Variants in HSPG2 observed in about 807,000 individuals in gnomAD.
HSPG2 encodes the protein heparan sulfate proteoglycan 2, also known as basement membrane-specific heparan sulfate proteoglycan core protein.
In HSPG2, 278 loss-of-function variants were observed where a neutral mutation model predicts 526.6. That is an observed-to-expected ratio of 0.53 (90% confidence interval 0.48 to 0.58). The LOEUF is 0.58. HSPG2 is among the 20% of genes least tolerant of loss of function. HSPG2 has a pLI of 0.00. For synonymous variants in HSPG2, 2,465 were observed against 2,555.4 expected, an observed-to-expected ratio of 0.96 and a Z score of 1.07; for missense variants, 5,354 against 6,099.5, an observed-to-expected ratio of 0.88 and a Z score of 4.07.
intron 1 of HSPG2, among the ~76,000 whole-genome samples, chr1:21,926,280 G>A (rs1644188850): frequency 6.6e-6 from 1 of 152,178 alleles, no homozygotes; most frequent in Non-Finnish European, 1.5e-5. Context: ...ATGAGAAGGT[G>A]TCAGCACTCA....
Position 21,887,989 on chromosome 1 carries a change from G to T in HSPG2, c.652C>A (p.Arg218Ser). Residue 218 changes from arginine (R) to serine (S), a missense_variant, in exon 7 of 97, where the codon CGC becomes AGC. Physicochemically the swap from Arg to Ser is moderately radical, Grantham distance 110 (BLOSUM62 -1). Coordinates refer to ENST00000374695, the MANE Select transcript of HSPG2 (RefSeq NM_005529.7). The surrounding 1 kb of genome is among the most constrained non-coding windows in gnomAD (Gnocchi z 5.0). The stretch of plus-strand genomic sequence containing the variant: ...CTGCAGTCGGGCCGCCGGTCACAGC[G>T]ATACTCCAGGGCCACACACTCATTG... Reference protein sequence around the residue: ...SYNECVALEYRCDRRPDCRDM... With the variant: ...SYNECVALEYSCDRRPDCRDM... 2 of 1,614,158 alleles carry T rather than the reference G, an allele frequency of 1.2e-6. No homozygotes were observed. Among genetic ancestry groups the T allele is most frequent in the Non-Finnish European group, 1.7e-6 (2 of 1,180,040 alleles).
rs1173605281 is a variant in HSPG2, at chr1:21,841,947, ACGGCAC to A, written c.9193+49_9193+54del. ...GCCCCACCCTTGCACAGTGGGGATGACGGCACCCCCATGCCTGCCCCCAGCTTGCCC... is the reference window on the plus strand; with the variant it reads ...GCCCCACCCTTGCACAGTGGGGATGACCCCATGCCTGCCCCCAGCTTGCCC... On this transcript the variant is annotated intron_variant, in intron 69 of 96. Transcript: ENST00000374695. The A allele has an allele frequency of 5.0e-6, 8 of 1,600,160 alleles. No homozygotes were observed. The African/African-American group carries it at 1.1e-4, about 21-fold the overall frequency.
rs755167311 is a variant in HSPG2 at position 21,854,325 on chromosome 1, G to A, written c.6307C>T (p.Arg2103Trp). ...PHTQVHGSRL[R>W]LPQVSPADSG... ...TCAGCTGGTGAGACCTGGGGGAGCC[G>A]CAGACGGGAGCCGTGCACCTGGGCC... is the stretch of plus-strand genomic sequence containing the variant. The change falls in exon 50 of 97, where the codon CGG (arginine) becomes TGG (tryptophan). Residue 2103 changes from arginine to tryptophan, a missense_variant. Coordinates refer to ENST00000374695, the MANE Select transcript of HSPG2 (RefSeq NM_005529.7). The A allele has an allele frequency of 1.3e-5, 21 of 1,570,636 alleles. No homozygotes were observed. Among genetic ancestry groups the A allele is most frequent in the South Asian group, 1.2e-4 (10 of 85,502 alleles).
chr1:21,862,594 AAAAG>A (rs1313888824), intron 37 of HSPG2, among the ~76,000 whole-genome samples: 1 of 147,302 alleles, frequency 6.8e-6, no homozygotes, highest in Non-Finnish European at 1.5e-5. Flanking sequence ...AAAAAAAAAA[AAAAG>A]AAAAAAGCAA....
chr1:21,865,323 C>T lies in HSPG2; in HGVS notation c.4357G>A (p.Gly1453Ser). 1 of 1,614,046 alleles carries T rather than the reference C, an allele frequency of 6.2e-7. No individual in the cohort carries two copies. Among genetic ancestry groups the T allele is most frequent in the Non-Finnish European group, 8.5e-7 (1 of 1,179,986 alleles). Residue 1453 changes from glycine to serine, a missense_variant, in exon 35 of 97, where the codon GGC becomes AGC. By Grantham distance (56) the Gly-to-Ser change is moderately conservative. Transcript: ENST00000374695. This position sits in a 1 kb window ranked among gnomAD's most constrained non-coding sequence, Gnocchi z 5.4. ...ATCTCGTAGCTCCTCCTCTCAGGGC[C>T]CTGCAGCGCTGGCTGGGAGGCCACT... ...MLVASQPALQ[G>S]PERRSYEIMF...
Position 21,838,933 on chromosome 1 carries a change from C to G in HSPG2, c.10042G>C (p.Glu3348Gln). 1 of 1,612,292 alleles carries G rather than the reference C, an allele frequency of 6.2e-7. No homozygotes were observed. The highest frequency in any genetic ancestry group is 8.5e-7 in the Non-Finnish European group (1 of 1,179,056). ...GCTGCACGCTCAAAGTGCAGCAGCTCGTTCCTGGCGGTCGCCCTCCCAGGA... is the reference window on the plus strand; with the variant it reads ...GCTGCACGCTCAAAGTGCAGCAGCTGGTTCCTGGCGGTCGCCCTCCCAGGA... ...SLPGRATARN[E>Q]LLHFERAAPE... The change falls in exon 74 of 97, where the codon GAG becomes CAG. Residue 3348 changes from glutamate (E) to glutamine (Q), a missense_variant. By Grantham distance (29) the Glu-to-Gln change is conservative. Coordinates refer to ENST00000374695, the MANE Select transcript of HSPG2 (RefSeq NM_005529.7).
At chr1:21,932,251 A>G (rs1375256977) in intron 1 of HSPG2, among the ~76,000 whole-genome samples, 1 of 152,156 alleles carries the variant, frequency 6.6e-6, no homozygotes, top group East Asian at 1.9e-4. Context: ...AGCAATATCT[A>G]CTGACTGCCC....
Position 21,834,770 on chromosome 1 carries a change from G to A in HSPG2, c.10629C>T (p.Ala3543=). 6.2e-7 allele frequency: 1 copy of A among 1,614,154 alleles called. No homozygotes were observed. The highest frequency in any genetic ancestry group is 8.5e-7 in the Non-Finnish European group (1 of 1,180,010). ...IVQSGGVVRI[A]HVELADAGQY... Reference sequence around the variant, plus strand: ...GTCCCGCATCAGCCAGCTCTACGTGGGCGATCCTGACGACACCTCCGCTCT... The same window carrying A: ...GTCCCGCATCAGCCAGCTCTACGTGAGCGATCCTGACGACACCTCCGCTCT... Residue 3543 remains alanine (A), a synonymous_variant, in exon 77 of 97, where the codon GCC becomes GCT. Transcript: ENST00000374695.
At position 21,830,068 on chromosome 1, in the gene HSPG2, A is replaced by G. The variant is rs1355677438; in HGVS notation, c.11695T>C (p.Cys3899Arg). Residue 3899 changes from cysteine to arginine, a missense_variant, in exon 86 of 97, where the codon TGT becomes CGT. Physicochemically the swap from Cys to Arg is radical, Grantham distance 180. Transcript: ENST00000374695. ...CCTCGACCGTCAGGCCGGTTCACAC[A>G]GGTGGCGTCGGGCCCACAGGCCTCT... Reference protein sequence around the residue: ...HPEACGPDATCVNRPDGRGYT... With the variant: ...HPEACGPDATRVNRPDGRGYT... The G allele has an allele frequency of 7.5e-6, 12 of 1,601,988 alleles. No individual in the cohort carries two copies. Among genetic ancestry groups the G allele is most frequent in the East Asian group, 2.2e-5 (1 of 44,468 alleles).
rs1572244396 is a variant in HSPG2, at chr1:21,856,044, G to A, written c.5576-132C>T. On this transcript the variant is annotated intron_variant, in intron 44 of 96. Transcript: ENST00000374695. ...CCATCTGTGCACACAGGAGCCAGAG[G>A]GAGCTTGGGAAATGTCAACAGGACC... is the stretch of plus-strand genomic sequence containing the variant. 5 of 1,268,390 alleles carry A rather than the reference G, an allele frequency of 3.9e-6. No homozygotes were observed. In the East Asian group the frequency reaches 1.2e-4, roughly 31 times the overall value. The allele number at this position is 1,268,390 out of a possible 1,614,324, so 78.6% of individuals were successfully genotyped here. A position where few individuals can be genotyped will look rare whatever the true frequency, so the allele number is the denominator to read the frequency against.
chr1:21,888,730 G>C, intron 6 of HSPG2: 1 of 1,363,586 alleles, frequency 7.3e-7, no homozygotes. Context: ...TGGAAAGGAA[G>C]ATGTGATCAG....
chr1:21,884,749 C>A lies in HSPG2; in HGVS notation c.1507+18G>T. On this transcript the variant is annotated intron_variant, in intron 12 of 96. Coordinates refer to ENST00000374695, the MANE Select transcript of HSPG2 (RefSeq NM_005529.7). Reference sequence around the variant, plus strand: ...GGCTCTGCCCCCACACCCGGTGACACCTGCCCTCCGGCAGTACCTCGTTGT... The same window carrying A: ...GGCTCTGCCCCCACACCCGGTGACAACTGCCCTCCGGCAGTACCTCGTTGT... 1.2e-6 allele frequency: 2 copies of A among 1,612,942 alleles called. No individual in the cohort carries two copies. The highest frequency in any genetic ancestry group is 1.7e-6 in the Non-Finnish European group (2 of 1,179,824).
Position 21,840,833 on chromosome 1 carries a change from C to T in HSPG2, c.9513+268G>A, listed in dbSNP as rs2098045492. 2.6e-5 allele frequency among the ~76,000 whole-genome samples: 4 copies of T among 152,298 alleles called. 1 individual carries two copies. In the East Asian group the frequency reaches 7.7e-4, roughly 29 times the overall value. ...GCTGTCCCATCTGGTTGCTTGAGGG[C>T]TCACCCTCATGACACCCCATTAGTC... On this transcript the variant is annotated intron_variant, in intron 71 of 96. Coordinates refer to ENST00000374695, the MANE Select transcript of HSPG2 (RefSeq NM_005529.7).
chr1:21,824,814 G>C lies in HSPG2; in HGVS notation c.12590-35C>G, dbSNP rs769858069. ...AGAGGAGGGTGGTGCCATACCTGCT[G>C]CATCAGGCATCAAAATCCCCCGTCA... On this transcript the variant is annotated intron_variant, in intron 91 of 96. Transcript: ENST00000374695. This position sits in a 1 kb window ranked among gnomAD's most constrained non-coding sequence, Gnocchi z 5.9. The C allele has an allele frequency of 1.3e-6, 2 of 1,568,476 alleles. No homozygotes were observed. The highest frequency in any genetic ancestry group is 2.3e-5 in the East Asian group (1 of 43,630).
chr1:21,854,314 C>G lies in HSPG2; in HGVS notation c.6318G>C (p.Gln2106His). 2 of 1,572,408 alleles carry G rather than the reference C, an allele frequency of 1.3e-6. No homozygotes were observed. Among genetic ancestry groups the G allele is most frequent in the South Asian group, 2.3e-5 (2 of 85,656 alleles). The stretch of plus-strand genomic sequence containing the variant: ...ATTCTCCAGAATCAGCTGGTGAGAC[C>G]TGGGGGAGCCGCAGACGGGAGCCGT... ...QVHGSRLRLP[Q>H]VSPADSGEYV... Residue 2106 changes from glutamine to histidine, a missense_variant, in exon 50 of 97, where the codon CAG becomes CAC. Transcript: ENST00000374695.
intron 70 of HSPG2, 105 bp downstream of exon 70, chr1:21,841,434 C>A: frequency 6.3e-7 from 1 of 1,577,000 alleles, no homozygotes; most frequent in Non-Finnish European, 8.7e-7. Context: ...GGGAGAATGC[C>A]CAAGACAGAG....
chr1:21,864,846 G>A lies in HSPG2; in HGVS notation c.4623C>T (p.Cys1541=). 6.2e-7 allele frequency: 1 copy of A among 1,608,954 alleles called. No individual in the cohort carries two copies. Among genetic ancestry groups the A allele is most frequent in the Non-Finnish European group, 8.5e-7 (1 of 1,178,440 alleles). ...GTGGAGCTGGCCACACACTCACCTG[G>A]CAGGACAGACCGATGTAGCCTGGCG... ...RCPPGYIGLS[C]QDCAPGYTRT... The change falls in exon 36 of 97, where the codon TGC becomes TGT. Residue 1541 remains cysteine, a synonymous_variant. Coordinates refer to ENST00000374695, the MANE Select transcript of HSPG2 (RefSeq NM_005529.7). The surrounding 1 kb of genome is among the most constrained non-coding windows in gnomAD (Gnocchi z 4.8).
chr1:21,855,359 C>A lies in HSPG2; in HGVS notation c.5942G>T (p.Gly1981Val). 1 of 1,611,492 alleles carries A rather than the reference C, an allele frequency of 6.2e-7. No individual in the cohort carries two copies. The highest frequency in any genetic ancestry group is 8.5e-7 in the Non-Finnish European group (1 of 1,179,358). The part of the protein sequence containing the change: ...RTVRLYCRAA[G>V]VPSATITWRK... ...CCAGGTGATGGTGGCGCTAGGCACG[C>A]CTGCAGCCCTGCAGTACAGCCTGAC... The change falls in exon 47 of 97, where the codon GGC (glycine) becomes GTC (valine). Residue 1981 changes from glycine (G) to valine (V), a missense_variant. Gly to Val is a moderately radical substitution (Grantham distance 109, BLOSUM62 -3). Coordinates refer to ENST00000374695, the MANE Select transcript of HSPG2 (RefSeq NM_005529.7).
chr1:21,849,731 G>A (rs1638736402), intron 57 of HSPG2, among the ~76,000 whole-genome samples: 1 of 152,034 alleles, frequency 6.6e-6, no homozygotes, highest in Admixed American at 6.5e-5. Flanking sequence ...CCAGGCTGGA[G>A]TGCAACGGCA....
Sources: gnomAD v4.1 joint callset for allele counts (sites outside exome capture counted in the v4.1 genomes callset) on GRCh38, gnomAD v4.1.1 for gene constraint, Gnocchi (gnomAD v3.1) non-coding constraint, MANE v1.5 for transcripts, NCBI Gene and HGNC (gene_info 2026-07-23, HGNC 2026-07-21) for gene names.